KLHL30: variants seen among roughly 807,000 people sequenced by gnomAD.
KLHL30 encodes the protein kelch-like protein 30.
KLHL30 carries 55 observed loss-of-function variants against 55.0 expected under a neutral mutation model. The ratio of observed to expected loss-of-function variants is 1.00; its 90% CI spans 0.80 to 1.25. The LOEUF (loss-of-function observed/expected upper bound fraction) is 1.25, where lower values mean the gene tolerates loss of function less well. KLHL30 is among the 50% of genes most tolerant of loss of function. The probability of loss-of-function intolerance (pLI) is 0.00; values close to 1 mark genes in which losing one functional copy is unlikely to be tolerated. For synonymous variants in KLHL30, 356 were observed against 372.6 expected, an observed-to-expected ratio of 0.96 and a Z score of 0.51; for missense variants, 786 against 811.6, an observed-to-expected ratio of 0.97 and a Z score of 0.38.
chr2:238,145,624 G>A lies in KLHL30; in HGVS notation c.995-53G>A, dbSNP rs1224433777. The A allele has an allele frequency of 2.0e-5, 31 of 1,543,642 alleles. No individual in the cohort carries two copies. The East Asian group carries it at 7.6e-4, about 38-fold the overall frequency. ...CTGGACATTGGTATCCACACCCCAT[G>A]GCCTGGTGCCCCAGGCTGGTGGCAC... is the stretch of plus-strand genomic sequence containing the variant. On this transcript the variant is annotated intron_variant, in intron 4 of 7. Coordinates refer to ENST00000409223, the MANE Select transcript of KLHL30 (RefSeq NM_198582.4).
Position 238,152,246 on chromosome 2 carries a change from C to G in KLHL30, c.*1181C>G. 1 of 984,238 alleles carries G rather than the reference C, an allele frequency of 1.0e-6. No homozygotes were observed. Among genetic ancestry groups the G allele is most frequent in the Non-Finnish European group, 1.2e-6 (1 of 828,816 alleles). The allele number at this position is 984,238 out of a possible 1,614,324, so 61.0% of individuals were successfully genotyped here. ...GGGTTCCTCCTTAACACCCCCCGCC[C>G]CTGGGGACCAGAGGGGCCTCTGACA... On this transcript the variant is annotated 3_prime_UTR_variant, in exon 8 of 8. Transcript: ENST00000409223.
In KLHL30 at chr2:238,140,342, C is replaced by T. The variant is rs114574280; in HGVS notation, c.-70-343C>T. On this transcript the variant is annotated intron_variant, in intron 1 of 7. Transcript: ENST00000409223. ...CGCCTCCCGGGAGTTTGGGTGTCTC[C>T]GGGGTCCCTGGGGGGTGGGCTCAGT... is the stretch of plus-strand genomic sequence containing the variant. Among the ~76,000 whole-genome samples, 1,193 of 152,284 alleles carry T rather than the reference C, an allele frequency of 7.8e-3. 5 individuals carry two copies. The highest frequency in any genetic ancestry group is 0.012 in the Non-Finnish European group (821 of 68,018).
Position 238,147,289 on chromosome 2 carries a change from C to T in KLHL30, c.1151-545C>T, listed in dbSNP as rs948638202. Reference sequence around the variant, plus strand: ...CTCTCAGTGGCTACCGTGTCCCCAACCAGAGAGCAGAAAGCACCCAGGGCT... The same window carrying T: ...CTCTCAGTGGCTACCGTGTCCCCAATCAGAGAGCAGAAAGCACCCAGGGCT... On this transcript the variant is annotated intron_variant, in intron 5 of 7. Coordinates refer to ENST00000409223, the MANE Select transcript of KLHL30 (RefSeq NM_198582.4). This position sits in a 1 kb window ranked among gnomAD's most constrained non-coding sequence, Gnocchi z 5.8. Among the ~76,000 whole-genome samples, 2 of 152,246 alleles carry T rather than the reference C, an allele frequency of 1.3e-5. No homozygotes were observed. Among genetic ancestry groups the T allele is most frequent in the Middle Eastern group, 6.8e-3 (2 of 294 alleles).
At chr2:238,145,296 C>G (rs759561175) in intron 4 of KLHL30, among the ~76,000 whole-genome samples, 2 of 152,184 alleles carry the variant, frequency 1.3e-5, no homozygotes, top group Non-Finnish European at 2.9e-5. Flanking sequence ...CACGAGGTTG[C>G]AGGCGGCCTC....
At position 238,151,243 on chromosome 2, in the gene KLHL30, G is replaced by A. The variant is rs1692751384; in HGVS notation, c.*178G>A. On this transcript the variant is annotated 3_prime_UTR_variant, in exon 8 of 8. Coordinates refer to ENST00000409223, the MANE Select transcript of KLHL30 (RefSeq NM_198582.4). ...TGGAGGACACAGCCTTGGTCTCTGTGGCCACCACACTAAACTCTGAGCTGA... is the reference window on the plus strand; with the variant it reads ...TGGAGGACACAGCCTTGGTCTCTGTAGCCACCACACTAAACTCTGAGCTGA... 1 of 850,494 alleles carries A rather than the reference G, an allele frequency of 1.2e-6. No individual in the cohort carries two copies. The highest frequency in any genetic ancestry group is 1.8e-5 in the South Asian group (1 of 55,506). 52.7% of individuals were successfully genotyped at this position (850,494 alleles called of 1,614,324 possible).
At chr2:238,144,420 A>AGGC (rs1692604143) in intron 3 of KLHL30, among the ~76,000 whole-genome samples, 191 of 98,694 alleles carry the variant, frequency 1.9e-3, no homozygotes, top group Middle Eastern at 4.7e-3. Context: ...GGAAGGAAGG[A>AGGC]AGGAAGGAAG....
chr2:238,144,407 G>GC (rs1382569958), intron 3 of KLHL30, among the ~76,000 whole-genome samples: 30 of 130,900 alleles, frequency 2.3e-4, no homozygotes, highest in East Asian at 4.6e-4. Flanking sequence ...AGGAAGGAAG[G>GC]AAGGAAGGAA....
At chr2:238,139,876 G>A (rs1692501408) in intron 1 of KLHL30, among the ~76,000 whole-genome samples, 1 of 152,226 alleles carries the variant, frequency 6.6e-6, no homozygotes, top group South Asian at 2.1e-4. Flanking sequence ...ATACCAGAAG[G>A]ACATAAACCA....
rs1477117553 is a variant in KLHL30 at position 238,148,904 on chromosome 2, G to A, written c.1340-103G>A. ...CCATTTCACAGACAGGTTCACTGAG[G>A]TTCAGAGAGGCACTGAGTCCAGGGT... On this transcript the variant is annotated intron_variant, in intron 6 of 7. Coordinates refer to ENST00000409223, the MANE Select transcript of KLHL30 (RefSeq NM_198582.4). The A allele has an allele frequency of 5.8e-6, 7 of 1,205,950 alleles. No individual in the cohort carries two copies. In the East Asian group the frequency reaches 1.5e-4, roughly 26 times the overall value. 74.7% of individuals were successfully genotyped at this position (1,205,950 alleles called of 1,614,324 possible). A position where few individuals can be genotyped will look rare whatever the true frequency, so the allele number is the denominator to read the frequency against.
chr2:238,142,369 G>A (rs573790901), intron 2 of KLHL30, among the ~76,000 whole-genome samples: 5 of 152,280 alleles, frequency 3.3e-5, no homozygotes, highest in African/African-American at 1.2e-4. Flanking sequence ...CTAATTCCTG[G>A]CAGTGGGAGA....
At chr2:238,149,258 C>A in intron 7 of KLHL30, 106 bp downstream of exon 7, 1 of 1,455,348 alleles carries the variant, frequency 6.9e-7, no homozygotes, top group South Asian at 1.3e-5. Flanking sequence ...GGGCCCACTG[C>A]GAAGGGGACA....
chr2:238,151,030 T>A lies in KLHL30; in HGVS notation c.1702T>A (p.Trp568Arg). ...ASTVFLDVSK[W>R]TQPSGPTQEH ...CACCGTCTTCCTGGATGTCTCCAAG[T>A]GGACCCAGCCCTCCGGCCCCACCCA... Residue 568 changes from tryptophan to arginine, a missense_variant, in exon 8 of 8, where the codon TGG becomes AGG. Coordinates refer to ENST00000409223, the MANE Select transcript of KLHL30 (RefSeq NM_198582.4). The A allele has an allele frequency of 6.3e-7, 1 of 1,593,400 alleles. No homozygotes were observed. Among genetic ancestry groups the A allele is most frequent in the South Asian group, 1.1e-5 (1 of 87,492 alleles).
Position 238,140,909 on chromosome 2 carries a change from C to A in KLHL30, c.155C>A (p.Ala52Glu), listed in dbSNP as rs757083253. Reference sequence around the variant, plus strand: ...CTGCCATGCCACCGCGGCCTCCTGGCGCTCAGCAGCCCCTACTTCCATGCC... The same window carrying A: ...CTGCCATGCCACCGCGGCCTCCTGGAGCTCAGCAGCCCCTACTTCCATGCC... ...RELPCHRGLL[A>E]LSSPYFHAMF... The change falls in exon 2 of 8, where the codon GCG becomes GAG. Residue 52 changes from alanine to glutamate, a missense_variant. By Grantham distance (107) the Ala-to-Glu change is moderately radical. Transcript: ENST00000409223. 1.9e-6 allele frequency: 3 copies of A among 1,610,840 alleles called. No homozygotes were observed. The highest frequency in any genetic ancestry group is 1.7e-6 in the Non-Finnish European group (2 of 1,178,440).
At chr2:238,143,876 C>T (rs1692585405) in intron 3 of KLHL30, among the ~76,000 whole-genome samples, 1 of 152,228 alleles carries the variant, frequency 6.6e-6, no homozygotes, top group Non-Finnish European at 1.5e-5. Context: ...TGCCTGCCCA[C>T]AGTGCCAGGC....
At position 238,142,451 on chromosome 2, in the gene KLHL30, G is replaced by A. The variant is rs907004757; in HGVS notation, c.775-348G>A. On this transcript the variant is annotated intron_variant, in intron 2 of 7. Coordinates refer to ENST00000409223, the MANE Select transcript of KLHL30 (RefSeq NM_198582.4). ...CCTGGGGTCCTGGGAGACCTAGGCA[G>A]TGACTGCTTACCGGCCGTTCCTAAG... Among the ~76,000 whole-genome samples, 4 of 152,192 alleles carry A rather than the reference G, an allele frequency of 2.6e-5. No homozygotes were observed. The South Asian group carries it at 8.3e-4, about 32-fold the overall frequency.
chr2:238,141,027 G>A lies in KLHL30; in HGVS notation c.273G>A (p.Val91=). ...PAVVGQLVDF[V]YTGRLTITQG... ...TGGTGGGACAACTGGTGGACTTCGT[G>A]TACACAGGCCGGCTGACCATCACGC... is the stretch of plus-strand genomic sequence containing the variant. Residue 91 remains valine, a synonymous_variant, in exon 2 of 8, where the codon GTG becomes GTA. Transcript: ENST00000409223. The A allele has an allele frequency of 6.2e-7, 1 of 1,612,442 alleles. No individual in the cohort carries two copies. Among genetic ancestry groups the A allele is most frequent in the Admixed American group, 1.7e-5 (1 of 60,020 alleles).
At position 238,145,024 on chromosome 2, in the gene KLHL30, C is replaced by T. The variant is rs1450671140; in HGVS notation, c.994+36C>T. 2.0e-6 allele frequency: 3 copies of T among 1,534,950 alleles called. No individual in the cohort carries two copies. The East Asian group carries it at 7.1e-5, about 36-fold the overall frequency. ...CGGGGACCCTTCCAGAGATGCCCTG[C>T]CCAGCCAAGCACTGGGCTCAGTGCA... On this transcript the variant is annotated intron_variant, in intron 4 of 7. Transcript: ENST00000409223.
chr2:238,152,560 G>T lies in KLHL30; in HGVS notation c.*1495G>T, dbSNP rs956904183. 1 of 152,050 alleles carries T rather than the reference G, an allele frequency of 6.6e-6. No individual in the cohort carries two copies. Among genetic ancestry groups the T allele is most frequent in the Admixed American group, 6.6e-5 (1 of 15,262 alleles). The allele number at this position is 152,050 out of a possible 1,614,324, so 9.4% of individuals were successfully genotyped here. On this transcript the variant is annotated 3_prime_UTR_variant, in exon 8 of 8. Coordinates refer to ENST00000409223, the MANE Select transcript of KLHL30 (RefSeq NM_198582.4). Reference sequence around the variant, plus strand: ...ATTTTTGTATTTTTAGTAGAAACAGGGTTTCACCATGTTGACCAGGCTGGT... The same window carrying T: ...ATTTTTGTATTTTTAGTAGAAACAGTGTTTCACCATGTTGACCAGGCTGGT...
At position 238,151,355 on chromosome 2, in the gene KLHL30, G is replaced by A. The variant is rs1332145462; in HGVS notation, c.*290G>A. 23 of 492,758 alleles carry A rather than the reference G, an allele frequency of 4.7e-5. No homozygotes were observed. Among genetic ancestry groups the A allele is most frequent in the Non-Finnish European group, 7.6e-5 (21 of 276,028 alleles). 30.5% of individuals were successfully genotyped at this position (492,758 alleles called of 1,614,324 possible). A position where few individuals can be genotyped will look rare whatever the true frequency, so the allele number is the denominator to read the frequency against. On this transcript the variant is annotated 3_prime_UTR_variant, in exon 8 of 8. Transcript: ENST00000409223. ...CTGGGGTTCCCGAGACCTCAGAGAG[G>A]GGAGCCGGGGGCCGGGCCAGCATTC...
Sources: gnomAD v4.1 joint callset for allele counts (sites outside exome capture counted in the v4.1 genomes callset) on GRCh38, gnomAD v4.1.1 for gene constraint, Gnocchi (gnomAD v3.1) non-coding constraint, MANE v1.5 for transcripts, NCBI Gene and HGNC (gene_info 2026-07-23, HGNC 2026-07-21) for gene names.